Variants in KCNMA1 observed in about 807,000 individuals in gnomAD.
The protein encoded by KCNMA1 is potassium calcium-activated channel subfamily M alpha 1.
A neutral mutation model predicts 140.0 loss-of-function variants in KCNMA1; 29 were observed. That is an observed-to-expected ratio of 0.21 (90% confidence interval 0.15 to 0.28). The LOEUF is 0.28. Among genes scored for constraint, KCNMA1 ranks in the 10% least tolerant of loss-of-function variants. KCNMA1 has a pLI of 1.00. For missense variants in KCNMA1, 880 were observed against 1,602.2 expected (o/e 0.55, Z 7.70); for synonymous variants, 612 against 611.9 (o/e 1.00, Z 0.00).
At chr10:77,170,938 G>T (rs2098699635) in intron 5 of KCNMA1, among the ~76,000 whole-genome samples, 1 of 152,118 alleles carries the variant, frequency 6.6e-6, no homozygotes. Context: ...AGATGTAAAT[G>T]ACTCAGATTT....
At chr10:76,914,212 T>A in intron 24 of KCNMA1, 2 of 1,010,942 alleles carry the variant, frequency 2.0e-6, no homozygotes, top group Non-Finnish European at 3.0e-6. Context: ...AGTGAGGGAA[T>A]AACAGAGGAA....
intron 1 of KCNMA1, among the ~76,000 whole-genome samples, chr10:77,606,962 G>T (rs976782458): frequency 6.6e-6 from 1 of 152,154 alleles, no homozygotes; most frequent in Non-Finnish European, 1.5e-5. Context: ...CCCTCTCCAT[G>T]ACTCAGTTTG....
Position 76,936,212 on chromosome 10 carries a change from GC to G in KCNMA1, c.2902+8560del, listed in dbSNP as rs1333143178. ...CCACGGAAGAAATGTAACAGGGCAGGCCCCTTTCTGTACTTGAGATCTGCTC... is the reference window on the plus strand; with the variant it reads ...CCACGGAAGAAATGTAACAGGGCAGGCCCTTTCTGTACTTGAGATCTGCTC... On this transcript the variant is annotated intron_variant, in intron 23 of 27. Transcript: ENST00000286628. Among the ~76,000 whole-genome samples the G allele has an allele frequency of 3.3e-5, 5 of 152,266 alleles. No homozygotes were observed. In the East Asian group the frequency reaches 9.7e-4, roughly 29 times the overall value.
intron 14 of KCNMA1, among the ~76,000 whole-genome samples, chr10:77,048,584 G>A (rs986857600): frequency 6.6e-6 from 1 of 152,220 alleles, no homozygotes; most frequent in African/African-American, 2.4e-5. Flanking sequence ...CTGGAACTGT[G>A]CGTGGTACAT....
At chr10:77,585,227 C>T (rs2076948158) in intron 1 of KCNMA1, among the ~76,000 whole-genome samples, 1 of 152,300 alleles carries the variant, frequency 6.6e-6, no homozygotes, top group Non-Finnish European at 1.5e-5. Flanking sequence ...GGCTGCAACT[C>T]CTGCACAGTC....
intron 2 of KCNMA1, among the ~76,000 whole-genome samples, chr10:77,315,975 G>A (rs2080766148): frequency 6.6e-6 from 1 of 152,112 alleles, no homozygotes; most frequent in East Asian, 1.9e-4. Flanking sequence ...GCATTGGTGG[G>A]CGCAAGATAA....
Position 77,012,006 on chromosome 10 carries a change from T to C in KCNMA1, c.2053A>G (p.Thr685Ala), listed in dbSNP as rs1449813631. The C allele has an allele frequency of 1.2e-6, 2 of 1,613,878 alleles. No individual in the cohort carries two copies. Among genetic ancestry groups the C allele is most frequent in the African/African-American group, 1.3e-5 (1 of 75,012 alleles). Residue 685 changes from threonine to alanine, a missense_variant, in exon 18 of 28, where the codon ACA (threonine) becomes GCA (alanine). Around this residue, in one of 13 missense-constraint regions of KCNMA1, gnomAD observed 196 missense variants for 233.0 expected, o/e 0.84. Coordinates refer to ENST00000286628, the MANE Select transcript of KCNMA1 (RefSeq NM_001161352.2). Reference sequence around the variant, plus strand: ...CATTTTTTTATTCTTTTGGGATCTGTGATGTCATCATGACAGGCCTTGCAG... The same window carrying C: ...CATTTTTTTATTCTTTTGGGATCTGCGATGTCATCATGACAGGCCTTGCAG... ...FYCKACHDDI[T>A]DPKRIKKCGC...
At chr10:76,891,232 G>C (rs1375414090) in intron 26 of KCNMA1, among the ~76,000 whole-genome samples, 1 of 152,202 alleles carries the variant, frequency 6.6e-6, no homozygotes, top group Non-Finnish European at 1.5e-5. Context: ...AGGATGCCTT[G>C]GTGCAAATTC....
intron 2 of KCNMA1, among the ~76,000 whole-genome samples, chr10:77,326,947 T>C (rs1288640911): frequency 6.6e-6 from 1 of 152,124 alleles, no homozygotes; most frequent in Admixed American, 6.5e-5. Flanking sequence ...TCCATATGGG[T>C]CATCCCTCCC....
At chr10:76,949,694 G>GAAA (rs1440019300) in intron 21 of KCNMA1, among the ~76,000 whole-genome samples, 2 of 152,170 alleles carry the variant, frequency 1.3e-5, no homozygotes, top group African/African-American at 4.8e-5. Flanking sequence ...AAATAAAAAG[G>GAAA]AAAAGGAATA....
intron 14 of KCNMA1, among the ~76,000 whole-genome samples, chr10:77,061,477 G>A (rs759787976): frequency 3.3e-5 from 5 of 152,154 alleles, no homozygotes; most frequent in African/African-American, 9.7e-5. Flanking sequence ...CTACTAGACT[G>A]TTTAAAATAA....
rs189492714 is a variant in KCNMA1 at position 77,137,340 on chromosome 10, C to A, written c.809-16292G>T. Among the ~76,000 whole-genome samples, 615 of 152,330 alleles carry A rather than the reference C, an allele frequency of 4.0e-3. 6 individuals are homozygous for A. Among genetic ancestry groups the A allele is most frequent in the African/African-American group, 0.014 (600 of 41,578 alleles). On this transcript the variant is annotated intron_variant, in intron 5 of 27. Coordinates refer to ENST00000286628, the MANE Select transcript of KCNMA1 (RefSeq NM_001161352.2). ...CAAAAAGCTGAAAGGTTCCAATAAACGTCTGTCGTTTCCAATCTCTGCAGC... is the reference window on the plus strand; with the variant it reads ...CAAAAAGCTGAAAGGTTCCAATAAAAGTCTGTCGTTTCCAATCTCTGCAGC...
At chr10:77,458,293 C>A (rs532074465) in intron 1 of KCNMA1, among the ~76,000 whole-genome samples, 1 of 152,348 alleles carries the variant, frequency 6.6e-6, no homozygotes, top group South Asian at 2.1e-4. Flanking sequence ...TATCTATGAG[C>A]TCCCTTGTTC....
intron 20 of KCNMA1, among the ~76,000 whole-genome samples, chr10:76,956,549 TATTGAATCAGTAAAGCAACCA>T (rs1309364508): frequency 2.0e-5 from 3 of 152,196 alleles, no homozygotes; most frequent in Non-Finnish European, 4.4e-5. Flanking sequence ...AACTTTGGTT[TATTGAATCAGTAAAGCAACCA>T]ATTGAATCAG....
intron 23 of KCNMA1, among the ~76,000 whole-genome samples, chr10:76,941,686 G>A (rs2062469535): frequency 6.6e-6 from 1 of 152,204 alleles, no homozygotes; most frequent in South Asian, 2.1e-4. Flanking sequence ...CTCCACTGCT[G>A]ACCAGGGGTC....
chr10:77,117,561 A>G (rs12764157), intron 6 of KCNMA1, among the ~76,000 whole-genome samples: 5 of 147,552 alleles, frequency 3.4e-5, no homozygotes, highest in South Asian at 2.1e-4. Flanking sequence ...AAAAAAAAAA[A>G]AAAAGAAAAG....
intron 16 of KCNMA1, among the ~76,000 whole-genome samples, chr10:77,026,358 A>G (rs1216233517): frequency 6.6e-6 from 1 of 152,212 alleles, no homozygotes; most frequent in African/African-American, 2.4e-5. Flanking sequence ...AATAGAGAAC[A>G]CTGAGTTACA....
intron 19 of KCNMA1, among the ~76,000 whole-genome samples, chr10:76,982,066 G>A (rs540369685): frequency 6.6e-6 from 1 of 152,230 alleles, no homozygotes; most frequent in Non-Finnish European, 1.5e-5. Flanking sequence ...AGACCCTTCT[G>A]GCTCTGATTT....
chr10:77,076,143 A>T (rs1394089127), intron 13 of KCNMA1, among the ~76,000 whole-genome samples: 5 of 151,948 alleles, frequency 3.3e-5, no homozygotes, highest in African/African-American at 1.2e-4. Context: ...GAAACGATTT[A>T]ATACAATTGC....
Sources: allele counts gnomAD v4.1 joint callset (sites outside exome capture counted in the v4.1 genomes callset), GRCh38; gene constraint gnomAD v4.1.1; regional missense constraint gnomAD v4.1.1; transcripts MANE v1.5; gene names NCBI Gene and HGNC (gene_info 2026-07-23, HGNC 2026-07-21).